TRIM66: variants seen among roughly 807,000 people sequenced by gnomAD.
TRIM66 encodes tripartite motif containing 66, also known as tripartite motif-containing protein 66.
A neutral mutation model predicts 148.2 loss-of-function variants in TRIM66; 99 were observed. That is an observed-to-expected ratio of 0.67 (90% CI 0.57 to 0.79). The LOEUF is 0.79. Ranked by LOEUF, TRIM66 falls within the 30% of genes least tolerant of loss-of-function variation. TRIM66 has a pLI of 0.00. For synonymous variants in TRIM66, 616 were observed against 635.9 expected (o/e 0.97, Z 0.47); for missense variants, 1,666 against 1,697.9 (o/e 0.98, Z 0.33).
intron 20 of TRIM66, among the ~76,000 whole-genome samples, 191 bp from the exon 21 acceptor site, chr11:8,620,763 G>C (rs2034130284): frequency 6.6e-6 from 1 of 152,268 alleles, no homozygotes; most frequent in African/African-American, 2.4e-5. Flanking sequence ...ACAGGGGTTA[G>C]GGGAGGCTGG....
rs1300735682 is a variant in TRIM66 at position 8,658,662 on chromosome 11, AG to A, written c.341-6760del. The A allele has an allele frequency of 8.6e-6, 5 of 580,216 alleles. No individual in the cohort carries two copies. In the African/African-American group the frequency reaches 1.0e-4, roughly 12 times the overall value. The allele number at this position is 580,216 out of a possible 1,614,324, so 35.9% of individuals were successfully genotyped here. A position where few individuals can be genotyped will look rare whatever the true frequency, so the allele number is the denominator to read the frequency against. ...GCTCACGCAGCAGCGGTGCCTGCAC[AG>A]CCAGAGCTCAAGTTGACACACTCTG... On this transcript the variant is annotated intron_variant, in intron 6 of 24. Transcript: ENST00000646038.
In TRIM66 at chr11:8,621,081, T is replaced by C. The variant is rs1221937904; in HGVS notation, c.3496A>G (p.Lys1166Glu). ...ACATGGCAGGAGAGGTGGAACACTT[T>C]GGGGCAGCGGTCACAGCACAGTAAC... The part of the protein sequence containing the change: ...GELLCCDRCP[K>E]VFHLSCHVPA... Residue 1166 changes from lysine (K) to glutamate (E), a missense_variant, in exon 20 of 25, where the codon AAA becomes GAA. By Grantham distance (56) the Lys-to-Glu change is moderately conservative. Coordinates refer to ENST00000646038, the MANE Select transcript of TRIM66 (RefSeq NM_001388022.1). 8 of 1,551,576 alleles carry C rather than the reference T, an allele frequency of 5.2e-6. No homozygotes were observed. Among genetic ancestry groups the C allele is most frequent in the Non-Finnish European group, 7.0e-6 (8 of 1,146,978 alleles).
intron 6 of TRIM66, among the ~76,000 whole-genome samples, chr11:8,666,341 G>GAAAAAAAAAA (rs558326812): frequency 8.5e-5 from 2 of 23,542 alleles, no homozygotes; most frequent in Non-Finnish European, 1.3e-4. Context: ...CTCCGCCTCA[G>GAAAAAAAAAA]AAAAAAAAAA....
chr11:8,648,540 C>G lies in TRIM66; in HGVS notation c.601G>C (p.Gly201Arg). 6.4e-7 allele frequency: 1 copy of G among 1,551,666 alleles called. No homozygotes were observed. Among genetic ancestry groups the G allele is most frequent in the Non-Finnish European group, 8.7e-7 (1 of 1,146,988 alleles). ...TACAAGGTGAAGTCTCCGGGACCACCATTCACTCCTGCCAGAGAAGACAGA... is the reference window on the plus strand; with the variant it reads ...TACAAGGTGAAGTCTCCGGGACCACGATTCACTCCTGCCAGAGAAGACAGA... ...RAQKGSPGVN[G>R]GPGDFTLYCP... Residue 201 changes from glycine (G) to arginine (R), a missense_variant, in exon 9 of 25, where the codon GGT becomes CGT. Around this residue, in one of 3 missense-constraint regions of TRIM66, gnomAD observed 1,431 missense variants for 1,412.4 expected, o/e 1.01. Transcript: ENST00000646038.
At chr11:8,650,697 G>C (rs1257634549) in intron 7 of TRIM66, among the ~76,000 whole-genome samples, 1 of 152,198 alleles carries the variant, frequency 6.6e-6, no homozygotes, top group East Asian at 1.9e-4. Context: ...AGCAAAGGAA[G>C]CCTTCCTGGA....
At chr11:8,624,287 C>G in intron 17 of TRIM66, 72 bp downstream of exon 17, 1 of 1,493,966 alleles carries the variant, frequency 6.7e-7, no homozygotes, top group Non-Finnish European at 9.0e-7. Flanking sequence ...GCTGGCCTCT[C>G]TTACCTAGAA....
chr11:8,653,027 A>G (rs1313267861), intron 6 of TRIM66, among the ~76,000 whole-genome samples: 1 of 152,238 alleles, frequency 6.6e-6, no homozygotes, highest in Non-Finnish European at 1.5e-5. Flanking sequence ...AAGACTTCAG[A>G]AATCACATGG....
At chr11:8,673,654 T>C (rs1435907358) in intron 4 of TRIM66, among the ~76,000 whole-genome samples, 1 of 152,242 alleles carries the variant, frequency 6.6e-6, no homozygotes, top group African/African-American at 2.4e-5. Flanking sequence ...TAATGATAGT[T>C]TAGTTTAGAA....
chr11:8,651,886 C>G lies in TRIM66; in HGVS notation c.358G>C (p.Gly120Arg). Residue 120 changes from glycine to arginine, a missense_variant, in exon 7 of 25, where the codon GGG becomes CGG. By Grantham distance (125) the Gly-to-Arg change is moderately radical. Transcript: ENST00000646038. Reference sequence around the variant, plus strand: ...CTGGTAAGATATACTCGTTCACACCCAGGACAGGAGATGAGCTCTGTGCAA... The same window carrying G: ...CTGGTAAGATATACTCGTTCACACCGAGGACAGGAGATGAGCTCTGTGCAA... ...TVADELISCP[G>R]CERVYLTRDV... The G allele has an allele frequency of 1.9e-6, 3 of 1,551,522 alleles. No homozygotes were observed. In the South Asian group the frequency reaches 3.6e-5, roughly 18 times the overall value.
chr11:8,641,359 T>G (rs1235629605), intron 13 of TRIM66, among the ~76,000 whole-genome samples: 2 of 152,102 alleles, frequency 1.3e-5, no homozygotes, highest in Non-Finnish European at 2.9e-5. Flanking sequence ...CCTAGGATAT[T>G]TGAGAAATTA....
chr11:8,657,102 T>C (rs912548901), intron 6 of TRIM66, among the ~76,000 whole-genome samples: 4 of 152,034 alleles, frequency 2.6e-5, no homozygotes, highest in African/African-American at 9.7e-5. Flanking sequence ...GTTTCAGACA[T>C]GAACAGCAGG....
chr11:8,666,751 T>C (rs563927383), intron 6 of TRIM66, among the ~76,000 whole-genome samples: 1 of 152,334 alleles, frequency 6.6e-6, no homozygotes, highest in African/African-American at 2.4e-5. Context: ...CCAAAGCTTT[T>C]GTTTTTATTC....
chr11:8,658,887 G>A, intron 6 of TRIM66: 1 of 824,444 alleles, frequency 1.2e-6, no homozygotes, highest in Non-Finnish European at 1.5e-6. Flanking sequence ...CTTATCCTGT[G>A]ACGTCACAGT....
chr11:8,662,706 A>C (rs1419002733), intron 6 of TRIM66, among the ~76,000 whole-genome samples: 1 of 152,260 alleles, frequency 6.6e-6, no homozygotes, highest in African/African-American at 2.4e-5. Context: ...TCTAAGTATC[A>C]AAGTCTTCCA....
intron 12 of TRIM66, 47 bp downstream of exon 12, chr11:8,645,694 C>T: frequency 6.5e-7 from 1 of 1,548,786 alleles, no homozygotes; most frequent in Non-Finnish European, 8.7e-7. Flanking sequence ...AGGGGATGCT[C>T]TGATAAGCTT....
In TRIM66 at chr11:8,641,003, G is replaced by A; in HGVS notation, c.1372C>T (p.Pro458Ser). 1 of 1,551,454 alleles carries A rather than the reference G, an allele frequency of 6.4e-7. No individual in the cohort carries two copies. ...LSHPSHKFQS[P>S]AVCSSSVCCS... ...CACACAGATGAGGAGCACACTGCTGGAGACTGGAACTTGTGTGAGGGGTGG... is the reference window on the plus strand; with the variant it reads ...CACACAGATGAGGAGCACACTGCTGAAGACTGGAACTTGTGTGAGGGGTGG... Residue 458 changes from proline (P) to serine (S), a missense_variant, in exon 14 of 25, where the codon CCA becomes TCA. By Grantham distance (74) the Pro-to-Ser change is moderately conservative. Coordinates refer to ENST00000646038, the MANE Select transcript of TRIM66 (RefSeq NM_001388022.1).
intron 13 of TRIM66, among the ~76,000 whole-genome samples, chr11:8,642,091 C>A (rs1046389818): frequency 6.6e-6 from 1 of 152,114 alleles, no homozygotes; most frequent in Non-Finnish European, 1.5e-5. Flanking sequence ...CCGGCACTGC[C>A]CCCTGAGGCC....
intron 9 of TRIM66, 116 bp downstream of exon 9, chr11:8,648,300 G>T (rs1444614884): frequency 6.9e-6 from 10 of 1,451,868 alleles, no homozygotes; most frequent in Non-Finnish European, 9.2e-6. Flanking sequence ...CAGCCCAGGG[G>T]CTGCAGGTTG....
Position 8,649,621 on chromosome 11 carries a change from G to A in TRIM66, c.592+119C>T, listed in dbSNP as rs1592136387. The stretch of plus-strand genomic sequence containing the variant: ...AGACTTCCTTTGGGAAAGGCTCTGA[G>A]ACTGTCCCTACCTTCTCCCCCAGCA... On this transcript the variant is annotated intron_variant, in intron 8 of 24. Transcript: ENST00000646038. 1.7e-5 allele frequency: 23 copies of A among 1,355,298 alleles called. No individual in the cohort carries two copies. The East Asian group carries it at 5.8e-4, about 34-fold the overall frequency. The allele number at this position is 1,355,298 out of a possible 1,614,324, so 84.0% of individuals were successfully genotyped here.
Sources: gnomAD v4.1 joint callset for allele counts (sites outside exome capture counted in the v4.1 genomes callset) on GRCh38, gnomAD v4.1.1 for gene constraint, gnomAD v4.1.1 regional missense constraint, MANE v1.5 for transcripts, NCBI Gene and HGNC (gene_info 2026-07-23, HGNC 2026-07-21) for gene names.